Variants in GLRA1 observed in about 807,000 individuals in gnomAD.
GLRA1 encodes glycine receptor subunit alpha-1.
GLRA1 carries 37 observed loss-of-function variants against 48.3 expected under a neutral mutation model. The ratio of observed to expected loss-of-function variants is 0.77; its 90% confidence interval spans 0.59 to 1.01. The LOEUF is 1.01. Among genes scored for constraint, GLRA1 ranks in the 50% least tolerant of loss-of-function variants. The pLI is 0.00. For missense variants in GLRA1, 427 were observed against 571.0 expected (o/e 0.75, Z 2.57); for synonymous variants, 196 against 210.7 (o/e 0.93, Z 0.60).
chr5:151,859,221 A>G (rs1405945889), intron 4 of GLRA1, among the ~76,000 whole-genome samples: 1 of 152,184 alleles, frequency 6.6e-6, no homozygotes. Flanking sequence ...AGAGGAGATC[A>G]GGGACTTGGT....
intron 4 of GLRA1, among the ~76,000 whole-genome samples, chr5:151,858,615 C>T (rs1288563195): frequency 1.3e-5 from 2 of 152,106 alleles, no homozygotes; most frequent in African/African-American, 4.8e-5. Context: ...GCCATGTAAG[C>T]CTCGGGTTCC....
chr5:151,875,092 G>A (rs1304117884), intron 3 of GLRA1, among the ~76,000 whole-genome samples: 2 of 152,144 alleles, frequency 1.3e-5, no homozygotes, highest in East Asian at 1.9e-4. Flanking sequence ...TTGATCAACT[G>A]ATCCCAGGAT....
chr5:151,886,484 TG>T (rs1753909812), intron 3 of GLRA1, among the ~76,000 whole-genome samples: 2 of 152,342 alleles, frequency 1.3e-5, no homozygotes, highest in East Asian at 3.9e-4. Context: ...TTTGTAATCC[TG>T]GGTGTTTGGC....
At chr5:151,909,925 T>C (rs535503091) in intron 1 of GLRA1, among the ~76,000 whole-genome samples, 1 of 152,282 alleles carries the variant, frequency 6.6e-6, no homozygotes, top group African/African-American at 2.4e-5. Context: ...GTAGGAGTAT[T>C]TTATGAAATT....
At chr5:151,852,976 G>A (rs1267005583) in intron 6 of GLRA1, among the ~76,000 whole-genome samples, 1 of 152,174 alleles carries the variant, frequency 6.6e-6, no homozygotes, top group African/African-American at 2.4e-5. Context: ...TATATTAAGT[G>A]AAATAAGCCA....
chr5:151,924,684 A>G lies in GLRA1; in HGVS notation c.-135T>C, dbSNP rs1246680863. On this transcript the variant is annotated 5_prime_UTR_variant, in exon 1 of 9. Transcript: ENST00000274576. ...AGGGAGGCGGGGAACAGGGGCGCGGAGGGAGAGCCCCAGGGGAAATTGGAG... is the reference window on the plus strand; with the variant it reads ...AGGGAGGCGGGGAACAGGGGCGCGGGGGGAGAGCCCCAGGGGAAATTGGAG... 3 of 739,984 alleles carry G rather than the reference A, an allele frequency of 4.1e-6. No homozygotes were observed. The African/African-American group carries it at 5.2e-5, about 13-fold the overall frequency. The allele number at this position is 739,984 out of a possible 1,614,324, so 45.8% of individuals were successfully genotyped here.
chr5:151,886,893 G>A, intron 2 of GLRA1, 105 bp from the exon 3 acceptor site: 1 of 849,586 alleles, frequency 1.2e-6, no homozygotes. Context: ...CGCCTTTGGT[G>A]GAGGAGATCC....
intron 7 of GLRA1, chr5:151,850,231 C>T: frequency 6.2e-7 from 1 of 1,604,456 alleles, no homozygotes; most frequent in Non-Finnish European, 8.5e-7. Flanking sequence ...TGCTTGTATG[C>T]TGGAGCCAAG....
At position 151,842,005 on chromosome 5, in the gene GLRA1, C is replaced by T. The variant is rs745467079; in HGVS notation, c.912+9385G>A. 4.0e-5 allele frequency among the ~76,000 whole-genome samples: 6 copies of T among 150,210 alleles called. 1 individual carries two copies. The South Asian group carries it at 6.3e-4, about 16-fold the overall frequency. ...CCAGGAGTTGGAGGTTGCCGTGAGC[C>T]GAGATCGTGCCACTGCACTCCAGCC... On this transcript the variant is annotated intron_variant, in intron 7 of 8. Transcript: ENST00000274576.
Position 151,882,694 on chromosome 5 carries a change from T to G in GLRA1, c.252+4027A>C, listed in dbSNP as rs986203948. Among the ~76,000 whole-genome samples the G allele has an allele frequency of 2.0e-5, 3 of 151,876 alleles. No homozygotes were observed. In the South Asian group the frequency reaches 6.2e-4, roughly 32 times the overall value. On this transcript the variant is annotated intron_variant, in intron 3 of 8. Coordinates refer to ENST00000274576, the MANE Select transcript of GLRA1 (RefSeq NM_000171.4). Reference sequence around the variant, plus strand: ...ACAACCAGATTCTCTCTCCAGAAAATAGAGAGCCAGACTAGGCAATTTCTT... The same window carrying G: ...ACAACCAGATTCTCTCTCCAGAAAAGAGAGAGCCAGACTAGGCAATTTCTT...
intron 3 of GLRA1, among the ~76,000 whole-genome samples, chr5:151,861,130 TG>T (rs1404088149): frequency 1.2e-4 from 19 of 152,362 alleles, no homozygotes; most frequent in African/African-American, 4.1e-4. Context: ...CTATCATTGA[TG>T]GACATTTGGG....
intron 7 of GLRA1, among the ~76,000 whole-genome samples, chr5:151,831,018 T>C (rs1763407537): frequency 6.6e-6 from 1 of 152,040 alleles, no homozygotes; most frequent in Admixed American, 6.5e-5. Flanking sequence ...CAGAGTGGGG[T>C]GTCACCTCAC....
chr5:151,849,103 CT>C (rs372056240), intron 7 of GLRA1: 21,877 of 156,828 alleles, frequency 0.14, 3,236 homozygotes, highest in African/African-American at 0.41. Flanking sequence ...TATTTCTTTT[CT>C]TTTCTTTCTT....
intron 1 of GLRA1, among the ~76,000 whole-genome samples, chr5:151,920,391 G>A (rs1021662433): frequency 6.6e-6 from 1 of 152,142 alleles, no homozygotes; most frequent in East Asian, 1.9e-4. Context: ...TTCTCTTCCC[G>A]CTGCACCACA....
rs1754107208 is a variant in GLRA1 at position 151,892,579 on chromosome 5, G to T, written c.57-141C>A. 4.5e-5 allele frequency: 39 copies of T among 872,510 alleles called. 1 individual carries two copies. In the South Asian group the frequency reaches 5.2e-4, roughly 12 times the overall value. 54.0% of individuals were successfully genotyped at this position (872,510 alleles called of 1,614,324 possible). A position where few individuals can be genotyped will look rare whatever the true frequency, so the allele number is the denominator to read the frequency against. On this transcript the variant is annotated intron_variant, in intron 1 of 8. Transcript: ENST00000274576. The stretch of plus-strand genomic sequence containing the variant: ...TATGGGTAATATGGGTCCTTAATGA[G>T]GTAAGGCCCAGGTTAAATTGTTTAC...
At chr5:151,876,108 G>C (rs1489367549) in intron 3 of GLRA1, among the ~76,000 whole-genome samples, 1 of 152,168 alleles carries the variant, frequency 6.6e-6, no homozygotes, top group Non-Finnish European at 1.5e-5. Context: ...TCTTCATGCT[G>C]TCTTTGTTTC....
intron 3 of GLRA1, among the ~76,000 whole-genome samples, chr5:151,886,369 T>C (rs1753905983): frequency 6.6e-6 from 1 of 152,230 alleles, no homozygotes; most frequent in Non-Finnish European, 1.5e-5. Context: ...TTTCAGCTTG[T>C]ATAACCAGCA....
rs76205063 is a variant in GLRA1 at position 151,904,161 on chromosome 5, C to A, written c.57-11723G>T. ...TGAAGAAACAACAAGGCTCTGTGGC[C>A]AATGCCCCTTTACCCTTTCAGGATA... On this transcript the variant is annotated intron_variant, in intron 1 of 8. Transcript: ENST00000274576. Among the ~76,000 whole-genome samples the A allele has an allele frequency of 1.8e-3, 279 of 152,266 alleles. 2 individuals are homozygous for A. In the East Asian group the frequency reaches 0.021, roughly 11 times the overall value.
chr5:151,849,104 T>TTTCTTTCTTTTTC (rs200997346), intron 7 of GLRA1: 4 of 116,990 alleles, frequency 3.4e-5, no homozygotes, highest in African/African-American at 2.1e-4. Flanking sequence ...ATTTCTTTTC[T>TTTCTTTCTTTTTC]TTTCTTTCTT....
Sources: gnomAD v4.1 joint callset for allele counts (sites outside exome capture counted in the v4.1 genomes callset) on GRCh38, gnomAD v4.1.1 for gene constraint, MANE v1.5 for transcripts, NCBI Gene and HGNC (gene_info 2026-07-23, HGNC 2026-07-21) for gene names.